The following ADAM22 variants were observed in gnomAD, a reference collection of about 807,000 sequenced individuals.
ADAM22 encodes disintegrin and metalloproteinase domain-containing protein 22.
A neutral mutation model predicts 144.6 loss-of-function variants in ADAM22; 65 were observed. The ratio of observed to expected loss-of-function variants is 0.45; its 90% CI spans 0.37 to 0.55. ADAM22 has a LOEUF of 0.55. ADAM22 is among the 20% of genes least tolerant of loss of function. ADAM22 has a pLI of 0.00. For missense variants in ADAM22, 974 were observed against 1,184.9 expected, an observed-to-expected ratio of 0.82 and a Z score of 2.61; for synonymous variants, 391 against 412.6, an observed-to-expected ratio of 0.95 and a Z score of 0.63.
intron 4 of ADAM22, among the ~76,000 whole-genome samples, chr7:88,087,238 C>T (rs1818675009): frequency 6.6e-6 from 1 of 152,100 alleles, no homozygotes; most frequent in Non-Finnish European, 1.5e-5. Context: ...TATTTTTATA[C>T]TCATGGTATA....
At chr7:87,950,884 G>A (rs2131390775) in intron 2 of ADAM22, among the ~76,000 whole-genome samples, 1 of 150,614 alleles carries the variant, frequency 6.6e-6, no homozygotes, top group South Asian at 2.1e-4. Context: ...TTTCTCTGAT[G>A]GCCAGTGATG....
chr7:88,196,692 A>G lies in ADAM22; in HGVS notation c.*201A>G. 1 of 600,790 alleles carries G rather than the reference A, an allele frequency of 1.7e-6. No individual in the cohort carries two copies. The highest frequency in any genetic ancestry group is 3.0e-6 in the Non-Finnish European group (1 of 337,326). 37.2% of individuals were successfully genotyped at this position (600,790 alleles called of 1,614,324 possible). The stretch of plus-strand genomic sequence containing the variant: ...TTGGCTTAGGATTTAACTAACCATG[A>G]AAAGAACTACTGAAATATTACACTA... On this transcript the variant is annotated 3_prime_UTR_variant, in exon 32 of 32. Transcript: ENST00000413139.
chr7:88,143,927 A>C (rs1427918613), intron 15 of ADAM22, among the ~76,000 whole-genome samples: 1 of 152,270 alleles, frequency 6.6e-6, no homozygotes, highest in Non-Finnish European at 1.5e-5. Flanking sequence ...GAACTGTATC[A>C]CTGCTGCCAT....
At chr7:87,935,757 A>G (rs907921054) in intron 2 of ADAM22, among the ~76,000 whole-genome samples, 1 of 152,168 alleles carries the variant, frequency 6.6e-6, no homozygotes, top group African/African-American at 2.4e-5. Flanking sequence ...GACTTTCTTT[A>G]TTGGTAGCAG....
chr7:88,053,613 AAAGAAAG>A (rs1807240000), intron 3 of ADAM22, among the ~76,000 whole-genome samples: 1 of 113,064 alleles, frequency 8.8e-6, no homozygotes, highest in African/African-American at 2.8e-5. Flanking sequence ...AGAAAGAAAG[AAAGAAAG>A]AAAGAAAGAA....
chr7:88,109,557 G>A (rs726329), intron 5 of ADAM22, among the ~76,000 whole-genome samples: 10,947 of 151,956 alleles, frequency 0.072, 510 homozygotes, highest in Admixed American at 0.11. Context: ...TAGAGATGTG[G>A]CTTTTCATCT....
rs777431641 is a variant in ADAM22 at position 88,116,712 on chromosome 7, C to G, written c.538-33C>G. 1.1e-5 allele frequency: 17 copies of G among 1,562,198 alleles called. No individual in the cohort carries two copies. The East Asian group carries it at 3.4e-4, about 31-fold the overall frequency. On this transcript the variant is annotated intron_variant, in intron 6 of 31. Coordinates refer to ENST00000413139, the MANE Select transcript of ADAM22 (RefSeq NM_001324418.2). The stretch of plus-strand genomic sequence containing the variant: ...TAAGGCTGGAGATAATCCTGTTGTA[C>G]ATGCTTAATCACTGTTGCTTGTGTC...
At chr7:88,031,943 G>T (rs1563066504) in intron 3 of ADAM22, among the ~76,000 whole-genome samples, 1 of 152,252 alleles carries the variant, frequency 6.6e-6, no homozygotes, top group African/African-American at 2.4e-5. Context: ...AGGCCTGTGG[G>T]TGCACAGAGA....
In ADAM22 at chr7:88,118,610, A is replaced by T. The variant is rs180888371; in HGVS notation, c.607+1796A>T. ...ATAAAGATTTTTCCCTAAAGACTTG[A>T]CTGTAGGCTTGCTAGGATATAACCT... On this transcript the variant is annotated intron_variant, in intron 7 of 31. Transcript: ENST00000413139. Among the ~76,000 whole-genome samples the T allele has an allele frequency of 7.3e-4, 111 of 151,124 alleles. 1 individual carries two copies. Among genetic ancestry groups the T allele is most frequent in the Non-Finnish European group, 5.0e-4 (34 of 67,822 alleles).
chr7:87,974,539 T>C (rs963977589), intron 2 of ADAM22, among the ~76,000 whole-genome samples: 1 of 152,198 alleles, frequency 6.6e-6, no homozygotes, highest in African/African-American at 2.4e-5. Flanking sequence ...TCAGCCCTGC[T>C]GCTGAAAGTG....
intron 3 of ADAM22, among the ~76,000 whole-genome samples, chr7:88,073,156 G>T (rs752934862): frequency 5.9e-5 from 9 of 152,202 alleles, no homozygotes; most frequent in Non-Finnish European, 1.2e-4. Context: ...AAATGTTCTT[G>T]TCAAAGGATT....
chr7:87,977,625 A>C (rs1852203799), intron 2 of ADAM22, among the ~76,000 whole-genome samples: 1 of 152,144 alleles, frequency 6.6e-6, no homozygotes, highest in Admixed American at 6.5e-5. Flanking sequence ...CAGTTAATTC[A>C]CATGATTATT....
At chr7:87,988,277 T>C (rs1407577076) in intron 3 of ADAM22, among the ~76,000 whole-genome samples, 1 of 152,180 alleles carries the variant, frequency 6.6e-6, no homozygotes, top group Non-Finnish European at 1.5e-5. Context: ...ATACACATTA[T>C]TGCAGAATGG....
chr7:88,160,006 C>T (rs572544732), intron 22 of ADAM22, among the ~76,000 whole-genome samples: 1 of 152,106 alleles, frequency 6.6e-6, no homozygotes, highest in Admixed American at 6.6e-5. Flanking sequence ...TAGAAAACCC[C>T]ATAGTCTCGA....
At chr7:88,186,191 G>A (rs2129539319) in intron 29 of ADAM22, 1 of 216,934 alleles carries the variant, frequency 4.6e-6, no homozygotes, top group South Asian at 7.1e-5. Context: ...GGTGTTGTAT[G>A]CCCAAATGCC....
chr7:87,942,063 A>G (rs1390463424), intron 2 of ADAM22, among the ~76,000 whole-genome samples: 1 of 152,092 alleles, frequency 6.6e-6, no homozygotes, highest in African/African-American at 2.4e-5. Context: ...ATAGGGCCAT[A>G]TTTATCATTA....
At chr7:88,030,893 G>A (rs1331256849) in intron 3 of ADAM22, among the ~76,000 whole-genome samples, 1 of 152,140 alleles carries the variant, frequency 6.6e-6, no homozygotes, top group Admixed American at 6.5e-5. Context: ...AAGGTGGGCG[G>A]ATCACAAGGT....
chr7:88,176,341 G>T (rs143619258), intron 26 of ADAM22, among the ~76,000 whole-genome samples: 1 of 152,328 alleles, frequency 6.6e-6, no homozygotes, highest in Non-Finnish European at 1.5e-5. Context: ...GGAAAAGCCA[G>T]TGAATTTCCA....
chr7:88,150,525 A>G (rs1041419003), intron 18 of ADAM22, among the ~76,000 whole-genome samples: 6 of 152,144 alleles, frequency 3.9e-5, no homozygotes, highest in Non-Finnish European at 4.4e-5. Context: ...GTTTCTTCTC[A>G]TGGCAAAAGA....
Sources: allele counts gnomAD v4.1 joint callset (sites outside exome capture counted in the v4.1 genomes callset), GRCh38; gene constraint gnomAD v4.1.1; transcripts MANE v1.5; gene names NCBI Gene and HGNC (gene_info 2026-07-23, HGNC 2026-07-21).